Variants in HDAC8 observed in about 807,000 individuals in gnomAD.
HDAC8 encodes the protein histone deacetylase 8.
In HDAC8, 1 loss-of-function variant was observed where a neutral mutation model predicts 32.2. The ratio of observed to expected loss-of-function variants is 0.03; its 90% CI spans 0.01 to 0.15. HDAC8 has a LOEUF of 0.15. Among genes scored for constraint, HDAC8 ranks in the 10% least tolerant of loss-of-function variants. The pLI is 1.00. For synonymous variants in HDAC8, 108 were observed against 113.9 expected, an observed-to-expected ratio of 0.95 and a Z score of 0.33; for missense variants, 117 against 300.0, an observed-to-expected ratio of 0.39 and a Z score of 4.51.
chrX:72,465,407 C>T (rs2047991506), intron 7 of HDAC8, among the ~76,000 whole-genome samples: 1 of 108,506 alleles, frequency 9.2e-6, no homozygotes, highest in Non-Finnish European at 1.9e-5. Context: ...TTCAGTGCTA[C>T]CTACTCAACC....
At chrX:72,360,649 G>A (rs149575232) in intron 9 of HDAC8, among the ~76,000 whole-genome samples, 9 of 111,568 alleles carry the variant, frequency 8.1e-5, no homozygotes, top group African/African-American at 2.6e-4. Context: ...AGAATAACAC[G>A]GCACCAGCAC....
chrX:72,550,780 C>T (rs782654854), intron 4 of HDAC8, among the ~76,000 whole-genome samples: 2 of 111,348 alleles, frequency 1.8e-5, no homozygotes, highest in South Asian at 7.6e-4. Flanking sequence ...CAAAAGCTGT[C>T]GTAACCCTAC....
intron 9 of HDAC8, among the ~76,000 whole-genome samples, chrX:72,444,790 T>C (rs1219266175): frequency 2.8e-5 from 3 of 106,075 alleles, no homozygotes; most frequent in Non-Finnish European, 5.8e-5. Flanking sequence ...GAAAACCCCA[T>C]TGTCTCAGCC....
intron 7 of HDAC8, among the ~76,000 whole-genome samples, chrX:72,485,981 G>T (rs959138299): frequency 1.8e-5 from 2 of 110,923 alleles, no homozygotes; most frequent in Non-Finnish European, 3.8e-5. Flanking sequence ...AATTAGTCGG[G>T]TGTGGTGGCA....
intron 9 of HDAC8, among the ~76,000 whole-genome samples, chrX:72,384,675 AT>A (rs2045369058): frequency 8.9e-6 from 1 of 112,346 alleles, no homozygotes; most frequent in Admixed American, 9.4e-5. Context: ...CTTTAAAACC[AT>A]TGTATTGAAA....
intron 9 of HDAC8, among the ~76,000 whole-genome samples, chrX:72,352,760 T>C (rs781814130): frequency 1.8e-5 from 2 of 112,192 alleles, no homozygotes; most frequent in Non-Finnish European, 3.8e-5. Context: ...GCTTGGTAGA[T>C]GACTCCTTGT....
At chrX:72,422,477 T>TA (rs1194389679) in intron 9 of HDAC8, among the ~76,000 whole-genome samples, 30 of 107,946 alleles carry the variant, frequency 2.8e-4, no homozygotes, top group Admixed American at 6.9e-4. Flanking sequence ...TGCCAGGAGC[T>TA]AAAAAAAAAA....
chrX:72,568,911 A>G (rs1731608725), intron 2 of HDAC8, 27 bp from the exon 3 acceptor site: 1 of 1,195,450 alleles, frequency 8.4e-7, no homozygotes, highest in African/African-American at 1.7e-5. Flanking sequence ...GAACAAAGAG[A>G]GGTCAGTGAG....
intron 9 of HDAC8, among the ~76,000 whole-genome samples, chrX:72,442,588 A>G (rs782420322): frequency 8.9e-6 from 1 of 112,069 alleles, no homozygotes; most frequent in African/African-American, 3.2e-5. Context: ...ATCATGCCAA[A>G]TTGTAAAGAT....
chrX:72,571,549 CTTTCTTTTTTTTTTTTTTTT>C (rs2052057702), intron 2 of HDAC8, among the ~76,000 whole-genome samples: 70 of 55,235 alleles, frequency 1.3e-3, no homozygotes, highest in African/African-American at 4.2e-3. Flanking sequence ...TTCTTTCTTT[CTTTCTTTTTTTTTTTTTTTT>C]TTTTTTTTTT....
At chrX:72,485,949 G>C (rs966416557) in intron 7 of HDAC8, among the ~76,000 whole-genome samples, 1 of 110,129 alleles carries the variant, frequency 9.1e-6, no homozygotes, top group South Asian at 4.0e-4. Flanking sequence ...GTGAAACCCC[G>C]TCTCTACTAA....
intron 9 of HDAC8, among the ~76,000 whole-genome samples, chrX:72,422,134 C>G (rs1305088454): frequency 9.0e-6 from 1 of 111,272 alleles, no homozygotes; most frequent in Non-Finnish European, 1.9e-5. Flanking sequence ...TGATGTGGGT[C>G]TATTCTACTT....
In HDAC8 at chrX:72,526,797, C is replaced by T. The variant is rs1249709537; in HGVS notation, c.438-31529G>A. Among the ~76,000 whole-genome samples the T allele has an allele frequency of 7.2e-5, 8 of 111,169 alleles. 1 individual carries two copies. The highest frequency in any genetic ancestry group is 4.8e-4 in the Admixed American group (5 of 10,474). ...TAACATCATTTCTCAGACTGGCAAC[C>T]TTAGAGTCAATTTTGTTTATTCTGT... On this transcript the variant is annotated intron_variant, in intron 4 of 10. Coordinates refer to ENST00000373573, the MANE Select transcript of HDAC8 (RefSeq NM_018486.3).
At chrX:72,361,104 G>T (rs1472620305) in intron 9 of HDAC8, among the ~76,000 whole-genome samples, 1 of 111,009 alleles carries the variant, frequency 9.0e-6, no homozygotes, top group Non-Finnish European at 1.9e-5. Flanking sequence ...ATTCTTAGTT[G>T]CTGGAATAGA....
chrX:72,540,287 G>A (rs1258035757), intron 4 of HDAC8, among the ~76,000 whole-genome samples: 1 of 112,346 alleles, frequency 8.9e-6, no homozygotes, highest in Admixed American at 9.4e-5. Context: ...AAGATGAAAA[G>A]TCTGTTGATT....
At chrX:72,406,470 ACTC>A (rs1287343738) in intron 9 of HDAC8, among the ~76,000 whole-genome samples, 1 of 110,061 alleles carries the variant, frequency 9.1e-6, no homozygotes, top group Admixed American at 9.6e-5. Flanking sequence ...ACCTCAAGCG[ACTC>A]TCCTGCTTCA....
chrX:72,516,926 G>C (rs1556025539), intron 4 of HDAC8, among the ~76,000 whole-genome samples: 1 of 112,046 alleles, frequency 8.9e-6, no homozygotes, highest in African/African-American at 3.2e-5. Flanking sequence ...AGGCACACTG[G>C]CTTTCTTGTT....
chrX:72,409,663 C>A (rs1221148953), intron 9 of HDAC8, among the ~76,000 whole-genome samples: 3 of 112,685 alleles, frequency 2.7e-5, no homozygotes, highest in Non-Finnish European at 5.6e-5. Context: ...ACTTAGACAC[C>A]TTTCTAATCA....
intron 7 of HDAC8, chrX:72,466,716 T>G (rs781890016): frequency 8.9e-6 from 1 of 112,243 alleles, no homozygotes; most frequent in Non-Finnish European, 1.9e-5. Context: ...TCTTGGGCAA[T>G]GTATTTCAGA....
Sources: allele counts gnomAD v4.1 joint callset (sites outside exome capture counted in the v4.1 genomes callset), GRCh38; gene constraint gnomAD v4.1.1; transcripts MANE v1.5; gene names NCBI Gene and HGNC (gene_info 2026-07-23, HGNC 2026-07-21).